Variants in CCDC60 observed in about 807,000 individuals in gnomAD.
CCDC60 encodes the protein coiled-coil domain-containing protein 60.
CCDC60 carries 54 observed loss-of-function variants against 63.5 expected under a neutral mutation model. The ratio of observed to expected loss-of-function variants is 0.85; its 90% CI spans 0.68 to 1.07. The LOEUF is 1.07. CCDC60 is among the 50% of genes least tolerant of loss of function. The pLI is 0.00. For synonymous variants in CCDC60, 206 were observed against 238.8 expected, an observed-to-expected ratio of 0.86 and a Z score of 1.27; for missense variants, 651 against 684.3, an observed-to-expected ratio of 0.95 and a Z score of 0.54.
intron 5 of CCDC60, among the ~76,000 whole-genome samples, chr12:119,490,143 C>A (rs985234522): frequency 6.6e-6 from 1 of 152,092 alleles, no homozygotes; most frequent in Non-Finnish European, 1.5e-5. Flanking sequence ...CATTTATTAC[C>A]CATCCCCTAG....
intron 8 of CCDC60, among the ~76,000 whole-genome samples, chr12:119,517,726 T>G (rs950140175): frequency 2.0e-5 from 3 of 152,142 alleles, no homozygotes; most frequent in Admixed American, 6.5e-5. Flanking sequence ...GGATTCTGGT[T>G]TTTATTCTAA....
chr12:119,430,498 C>T (rs151154087), intron 2 of CCDC60, among the ~76,000 whole-genome samples: 2 of 152,004 alleles, frequency 1.3e-5, no homozygotes, highest in South Asian at 2.1e-4. Context: ...AACCCTGTCT[C>T]TACTAAAAAT....
intron 1 of CCDC60, among the ~76,000 whole-genome samples, chr12:119,361,133 A>G (rs1565970676): frequency 7.5e-6 from 1 of 133,878 alleles, no homozygotes; most frequent in Non-Finnish European, 1.5e-5. Flanking sequence ...GTGGAAAGAG[A>G]GGGAGAGGGA....
chr12:119,391,297 A>G (rs1956154172), intron 1 of CCDC60, among the ~76,000 whole-genome samples: 1 of 152,212 alleles, frequency 6.6e-6, no homozygotes. Flanking sequence ...TTAAAATGCC[A>G]TCCACGTCTG....
At chr12:119,518,063 A>G (rs1952402061) in intron 8 of CCDC60, among the ~76,000 whole-genome samples, 1 of 152,114 alleles carries the variant, frequency 6.6e-6, no homozygotes, top group Non-Finnish European at 1.5e-5. Context: ...GCACTTTCAC[A>G]TGCATCACAC....
At chr12:119,459,189 A>G (rs938393452) in intron 2 of CCDC60, among the ~76,000 whole-genome samples, 3 of 152,158 alleles carry the variant, frequency 2.0e-5, no homozygotes, top group Admixed American at 6.5e-5. Context: ...AGTTCCTTTC[A>G]ATAGTGGGGA....
intron 2 of CCDC60, among the ~76,000 whole-genome samples, chr12:119,454,606 T>C (rs1310932144): frequency 6.6e-6 from 1 of 152,164 alleles, no homozygotes; most frequent in Middle Eastern, 3.2e-3. Context: ...CCTTTTCTGG[T>C]CCATGGCCAT....
At chr12:119,536,668 C>T (rs1953015181) in intron 13 of CCDC60, among the ~76,000 whole-genome samples, 1 of 152,138 alleles carries the variant, frequency 6.6e-6, no homozygotes, top group Non-Finnish European at 1.5e-5. Flanking sequence ...TTCTCCTTCA[C>T]TTATGAAGCT....
intron 1 of CCDC60, among the ~76,000 whole-genome samples, chr12:119,387,027 G>GCC (rs1956072390): frequency 1.0e-5 from 1 of 98,122 alleles, no homozygotes; most frequent in Non-Finnish European, 2.0e-5. Flanking sequence ...CTCCCCCTCT[G>GCC]TCTCTCTCAC....
chr12:119,421,756 G>C (rs1956817312), intron 1 of CCDC60, among the ~76,000 whole-genome samples: 1 of 152,292 alleles, frequency 6.6e-6, no homozygotes, highest in Middle Eastern at 3.4e-3. Flanking sequence ...CTGAACTCCT[G>C]AGTGACAGGG....
At chr12:119,519,190 G>T (rs1466705775) in intron 8 of CCDC60, among the ~76,000 whole-genome samples, 1 of 152,106 alleles carries the variant, frequency 6.6e-6, no homozygotes, top group Admixed American at 6.6e-5. Context: ...GAACTGAGGG[G>T]CCTGCAGAAA....
chr12:119,389,450 C>A (rs1956117310), intron 1 of CCDC60, among the ~76,000 whole-genome samples: 3 of 152,148 alleles, frequency 2.0e-5, no homozygotes. Flanking sequence ...GACAAGTTTG[C>A]TGACTCCAAC....
intron 1 of CCDC60, among the ~76,000 whole-genome samples, chr12:119,406,318 T>C (rs7980254): frequency 0.086 from 13,107 of 152,124 alleles, 621 homozygotes; most frequent in Middle Eastern, 0.16. Flanking sequence ...TGCGTCTTTA[T>C]TACTATTTTT....
chr12:119,409,322 G>T (rs994643991), intron 1 of CCDC60, among the ~76,000 whole-genome samples: 3 of 152,130 alleles, frequency 2.0e-5, no homozygotes, highest in Non-Finnish European at 4.4e-5. Flanking sequence ...GGGGAAGAAG[G>T]ACTGTCCTGT....
At position 119,430,014 on chromosome 12, in the gene CCDC60, T is replaced by C. The variant is rs78753083; in HGVS notation, c.170+1252T>C. 8.8e-3 allele frequency among the ~76,000 whole-genome samples: 1,341 copies of C among 152,318 alleles called. 22 individuals are homozygous for C. The highest frequency in any genetic ancestry group is 0.03 in the African/African-American group (1,258 of 41,554). ...TGTATTGATGAGATGCTTTTCATTA[T>C]GTTTTTTCATACATGATGAAAAGTA... On this transcript the variant is annotated intron_variant, in intron 2 of 13. Coordinates refer to ENST00000327554, the MANE Select transcript of CCDC60 (RefSeq NM_178499.5).
chr12:119,360,870 C>CT (rs1176189216), intron 1 of CCDC60, among the ~76,000 whole-genome samples: 2 of 152,184 alleles, frequency 1.3e-5, no homozygotes, highest in Non-Finnish European at 2.9e-5. Context: ...GAACCAGACT[C>CT]TGTCTGCAAT....
chr12:119,443,565 T>C (rs1484989000), intron 2 of CCDC60, among the ~76,000 whole-genome samples: 1 of 152,116 alleles, frequency 6.6e-6, no homozygotes, highest in East Asian at 1.9e-4. Flanking sequence ...GAGTTCAAAG[T>C]CATGATAATA....
chr12:119,518,689 G>C (rs1252183595), intron 8 of CCDC60, among the ~76,000 whole-genome samples: 1 of 151,878 alleles, frequency 6.6e-6, no homozygotes, highest in Non-Finnish European at 1.5e-5. Flanking sequence ...CATAGAGTAA[G>C]TATTCAATAA....
intron 1 of CCDC60, among the ~76,000 whole-genome samples, chr12:119,359,633 A>C: frequency 6.6e-6 from 1 of 151,840 alleles, no homozygotes; most frequent in African/African-American, 2.4e-5. Context: ...TCAGCAGATA[A>C]ACAAGTGAAC....
Sources: allele counts gnomAD v4.1 joint callset (sites outside exome capture counted in the v4.1 genomes callset), GRCh38; gene constraint gnomAD v4.1.1; transcripts MANE v1.5; gene names NCBI Gene and HGNC (gene_info 2026-07-23, HGNC 2026-07-21).